The following PTPRD variants were observed in gnomAD, a reference collection of about 807,000 sequenced individuals.
The protein encoded by PTPRD is protein tyrosine phosphatase receptor type D.
PTPRD carries 34 observed loss-of-function variants against 214.5 expected under a neutral mutation model. The observed-to-expected ratio is 0.16, with a 90% CI of 0.12 to 0.21. The LOEUF (loss-of-function observed/expected upper bound fraction) is 0.21, where lower values mean the gene tolerates loss of function less well. Among genes scored for constraint, PTPRD ranks in the 10% least tolerant of loss-of-function variants. The pLI is 1.00. For synonymous variants in PTPRD, 1,128 were observed against 845.7 expected (o/e 1.33, Z -5.79); for missense variants, 2,545 against 2,398.7 (o/e 1.06, Z -1.27).
At chr9:10,124,954 G>A (rs2098804598) in intron 3 of PTPRD, among the ~76,000 whole-genome samples, 1 of 152,162 alleles carries the variant, frequency 6.6e-6, no homozygotes, top group Non-Finnish European at 1.5e-5. Context: ...TTCAGAAATG[G>A]TAGAGGACCC....
intron 3 of PTPRD, among the ~76,000 whole-genome samples, chr9:10,266,559 G>T (rs1448850858): frequency 6.6e-6 from 1 of 152,092 alleles, no homozygotes; most frequent in Non-Finnish European, 1.5e-5. Flanking sequence ...TTAACTAATG[G>T]TATTATTTTT....
At chr9:9,100,468 C>T (rs149971169) in intron 10 of PTPRD, among the ~76,000 whole-genome samples, 2 of 152,076 alleles carry the variant, frequency 1.3e-5, no homozygotes, top group Non-Finnish European at 2.9e-5. Flanking sequence ...AACACCACCC[C>T]CACATTTCTT....
At chr9:9,125,678 T>A (rs1436870491) in intron 10 of PTPRD, among the ~76,000 whole-genome samples, 1 of 152,186 alleles carries the variant, frequency 6.6e-6, no homozygotes, top group East Asian at 1.9e-4. Context: ...ATCTAAACAA[T>A]TCAGCTAATA....
At chr9:9,502,018 T>C (rs2096432941) in intron 8 of PTPRD, among the ~76,000 whole-genome samples, 1 of 151,780 alleles carries the variant, frequency 6.6e-6, no homozygotes, top group African/African-American at 2.4e-5. Context: ...ACTTGATGAG[T>C]TGGAGATACA....
At chr9:9,887,175 C>A (rs146969576) in intron 5 of PTPRD, among the ~76,000 whole-genome samples, 63 of 152,178 alleles carry the variant, frequency 4.1e-4, no homozygotes, top group African/African-American at 1.5e-3. Flanking sequence ...CATATTTTTT[C>A]TCAATTAGAA....
chr9:8,413,938 T>C (rs561063706), intron 35 of PTPRD, among the ~76,000 whole-genome samples: 14 of 152,272 alleles, frequency 9.2e-5, no homozygotes, highest in African/African-American at 3.1e-4. Flanking sequence ...TTGATGATCT[T>C]ATGTATTAGA....
intron 8 of PTPRD, among the ~76,000 whole-genome samples, chr9:9,520,261 A>AAAGTTATATATATATATATATT (rs990823170): frequency 2.0e-4 from 30 of 147,586 alleles, no homozygotes; most frequent in African/African-American, 4.9e-4. Context: ...TAGACTCCTA[A>AAAGTTATATATATATATATATT]AAGTTATATA....
At chr9:9,408,706 C>T (rs889618068) in intron 8 of PTPRD, among the ~76,000 whole-genome samples, 2 of 151,740 alleles carry the variant, frequency 1.3e-5, no homozygotes, top group South Asian at 2.1e-4. Flanking sequence ...ATCAATACTG[C>T]CATTTACTAG....
intron 34 of PTPRD, among the ~76,000 whole-genome samples, chr9:8,437,814 G>A (rs776685332): frequency 9.2e-5 from 14 of 152,252 alleles, no homozygotes; most frequent in South Asian, 2.1e-4. Context: ...TTCAGCCAGC[G>A]GAAGATATAG....
intron 2 of PTPRD, among the ~76,000 whole-genome samples, chr9:10,419,953 A>C (rs1000681736): frequency 6.6e-6 from 1 of 151,816 alleles, no homozygotes; most frequent in Non-Finnish European, 1.5e-5. Context: ...ACAATTGCTC[A>C]ACTTTACTAG....
At chr9:10,530,007 C>T (rs1340315124) in intron 2 of PTPRD, among the ~76,000 whole-genome samples, 3 of 151,732 alleles carry the variant, frequency 2.0e-5, no homozygotes, top group Non-Finnish European at 2.9e-5. Flanking sequence ...ACCACCATGG[C>T]CCATGTATAC....
chr9:8,839,667 A>T (rs1197320259), intron 11 of PTPRD, among the ~76,000 whole-genome samples: 1 of 152,196 alleles, frequency 6.6e-6, no homozygotes, highest in Non-Finnish European at 1.5e-5. Context: ...TTATGAGCAT[A>T]ATCAGCATAC....
At position 10,405,449 on chromosome 9, in the gene PTPRD, A is replaced by G. The variant is rs1338487748; in HGVS notation, c.-599-64432T>C. Among the ~76,000 whole-genome samples the G allele has an allele frequency of 3.3e-5, 5 of 151,698 alleles. 1 individual carries two copies. The highest frequency in any genetic ancestry group is 2.0e-4 in the Admixed American group (3 of 15,126). ...AACAGATAATAATACTTCAACCAGT[A>G]TAGTAGAGCAAGGGTTAGGGAAAAA... On this transcript the variant is annotated intron_variant, in intron 2 of 45. Coordinates refer to ENST00000381196, the MANE Select transcript of PTPRD (RefSeq NM_002839.4).
chr9:8,472,030 G>A lies in PTPRD; in HGVS notation c.3414-945C>T, dbSNP rs576154107. ...TAATCTGGTTTTGTCCTCCTACAGA[G>A]AAATTCTCTGAGCAAAGCCTAGGTA... is the stretch of plus-strand genomic sequence containing the variant. On this transcript the variant is annotated intron_variant, in intron 30 of 45. Coordinates refer to ENST00000381196, the MANE Select transcript of PTPRD (RefSeq NM_002839.4). 4.5e-4 allele frequency among the ~76,000 whole-genome samples: 69 copies of A among 152,218 alleles called. No individual in the cohort carries two copies. The East Asian group carries it at 9.7e-3, about 21-fold the overall frequency.
intron 5 of PTPRD, among the ~76,000 whole-genome samples, chr9:9,843,563 C>T (rs2058813352): frequency 6.6e-6 from 1 of 151,616 alleles, no homozygotes; most frequent in South Asian, 2.1e-4. Context: ...AAAATGAGCC[C>T]TCAGTAAATG....
chr9:9,487,308 G>A (rs889210647), intron 8 of PTPRD, among the ~76,000 whole-genome samples: 3 of 151,918 alleles, frequency 2.0e-5, no homozygotes, highest in African/African-American at 7.3e-5. Flanking sequence ...AGAACATGTG[G>A]TGTTTAGTTT....
intron 2 of PTPRD, among the ~76,000 whole-genome samples, chr9:10,500,794 T>G (rs2043431781): frequency 6.6e-6 from 1 of 151,964 alleles, no homozygotes; most frequent in Non-Finnish European, 1.5e-5. Context: ...AGCAAGGACA[T>G]GAGAAGTGTG....
intron 12 of PTPRD, among the ~76,000 whole-genome samples, chr9:8,680,163 C>G (rs1302508991): frequency 1.3e-5 from 2 of 151,250 alleles, no homozygotes; most frequent in African/African-American, 4.9e-5. Context: ...TTTAATTAAT[C>G]AAGAGAAATA....
intron 3 of PTPRD, among the ~76,000 whole-genome samples, chr9:10,087,028 C>T (rs1033475372): frequency 6.6e-6 from 1 of 151,580 alleles, no homozygotes; most frequent in African/African-American, 2.4e-5. Flanking sequence ...GACGATTGAA[C>T]TAATCTGCTA....
Sources: gnomAD v4.1 joint callset for allele counts (sites outside exome capture counted in the v4.1 genomes callset) on GRCh38, gnomAD v4.1.1 for gene constraint, MANE v1.5 for transcripts, NCBI Gene and HGNC (gene_info 2026-07-23, HGNC 2026-07-21) for gene names.